SCO2: variants seen among roughly 807,000 people sequenced by gnomAD.
SCO2 encodes synthesis of cytochrome C oxidase 2, also known as cytochrome c oxidase assembly factor SCO2.
For missense variants in SCO2, 429 were observed against 348.7 expected, an observed-to-expected ratio of 1.23 and a Z score of -1.83; for synonymous variants, 195 against 148.6, an observed-to-expected ratio of 1.31 and a Z score of -2.27.
chr22:50,526,315 T>G (rs1395567253), upstream of SCO2: 1 of 1,560,878 alleles, frequency 6.4e-7, no homozygotes, highest in East Asian at 2.4e-5. Flanking sequence ...TCTGCGGGAC[T>G]TCCCGAGCAC....
chr22:50,524,140 G>T lies in SCO2; in HGVS notation c.272C>A (p.Thr91Lys), dbSNP rs908963512. The change falls in exon 2 of 2, where the codon ACA (threonine) becomes AAA (lysine). Residue 91 changes from threonine to lysine, a missense_variant. Thr to Lys is a moderately conservative substitution (Grantham distance 78, BLOSUM62 -1). Coordinates refer to ENST00000395693, the MANE Select transcript of SCO2 (RefSeq NM_005138.3). Reference sequence around the variant, plus strand: ...CACAGCTGCCTGGCGCAGGGCTTCTGTTCGCTTTTGCTGCTGCAGCCTCTC... The same window carrying T: ...CACAGCTGCCTGGCGCAGGGCTTCTTTTCGCTTTTGCTGCTGCAGCCTCTC... ...EKERLQQQKR[T>K]EALRQAAVGQ... The T allele has an allele frequency of 6.2e-7, 1 of 1,612,082 alleles. No homozygotes were observed. The highest frequency in any genetic ancestry group is 8.5e-7 in the Non-Finnish European group (1 of 1,180,018).
chr22:50,524,542 A>G (rs2148672998), intron 1 of SCO2, 118 bp from the exon 2 acceptor site: 1 of 923,254 alleles, frequency 1.1e-6, no homozygotes, highest in East Asian at 2.6e-5. Context: ...TTCAGGCTTA[A>G]CAGGCATTTG....
chr22:50,523,966 C>G lies in SCO2; in HGVS notation c.446G>C (p.Arg149Pro). Residue 149 changes from arginine (R) to proline (P), a missense_variant, in exon 2 of 2, where the codon CGG becomes CCG. By Grantham distance (103) the Arg-to-Pro change is moderately radical. Coordinates refer to ENST00000395693, the MANE Select transcript of SCO2 (RefSeq NM_005138.3). Reference protein sequence around the residue: ...DELEKLVQVVRQLEAEPGLPP... With the variant: ...DELEKLVQVVPQLEAEPGLPP... Reference sequence around the variant, plus strand: ...CAAACCAGGCTCTGCTTCCAGCTGCCGCACCACCTGCACCAGCTTCTCCAG... The same window carrying G: ...CAAACCAGGCTCTGCTTCCAGCTGCGGCACCACCTGCACCAGCTTCTCCAG... 1.2e-6 allele frequency: 2 copies of G among 1,612,402 alleles called. No homozygotes were observed. The highest frequency in any genetic ancestry group is 8.5e-7 in the Non-Finnish European group (1 of 1,178,938).
upstream of SCO2, chr22:50,526,394 G>T (rs1447363115): frequency 6.6e-7 from 1 of 1,525,360 alleles, no homozygotes; most frequent in South Asian, 1.2e-5. Context: ...CAAGGGCCGA[G>T]CCGTCGTCCA....
Position 50,524,077 on chromosome 22 carries a change from C to G in SCO2, c.335G>C (p.Arg112Pro). The change falls in exon 2 of 2, where the codon CGG becomes CCG. Residue 112 changes from arginine (R) to proline (P), a missense_variant. Arg to Pro is a moderately radical substitution (Grantham distance 103). Transcript: ENST00000395693. ...GDFHLLDHRG[R>P]ARCKADFRGQ... is the part of the protein sequence containing the mutation. Reference sequence around the variant, plus strand: ...CCGGAAGTCAGCCTTGCAGCGAGCCCGGCCTCTGTGATCCAGCAGGTGGAA... The same window carrying G: ...CCGGAAGTCAGCCTTGCAGCGAGCCGGGCCTCTGTGATCCAGCAGGTGGAA... The G allele has an allele frequency of 1.2e-6, 2 of 1,613,244 alleles. No individual in the cohort carries two copies. The highest frequency in any genetic ancestry group is 1.7e-6 in the Non-Finnish European group (2 of 1,180,026).
upstream of SCO2, chr22:50,525,791 G>T: frequency 6.2e-7 from 1 of 1,610,830 alleles, no homozygotes; most frequent in Non-Finnish European, 8.5e-7. Flanking sequence ...GCGGCAGAAC[G>T]AGCTCTGCGA....
Position 50,524,443 on chromosome 22 carries a change from G to C in SCO2, c.-13-19C>G, listed in dbSNP as rs1031633147. On this transcript the variant is annotated intron_variant, in intron 1 of 1. Transcript: ENST00000395693. Reference sequence around the variant, plus strand: ...GATGCTCCTGGAAACAAGCACAGGCGTCAGGAGCCAGAAGGGAAGGCCCAG... The same window carrying C: ...GATGCTCCTGGAAACAAGCACAGGCCTCAGGAGCCAGAAGGGAAGGCCCAG... The C allele has an allele frequency of 1.2e-6, 2 of 1,606,516 alleles. No individual in the cohort carries two copies. Among genetic ancestry groups the C allele is most frequent in the Admixed American group, 1.7e-5 (1 of 59,612 alleles).
At chr22:50,525,727 C>A (rs1179877416), upstream of SCO2, 1 of 1,595,440 alleles carries the variant, frequency 6.3e-7, no homozygotes, top group Admixed American at 1.7e-5. Flanking sequence ...TGGATCCTTC[C>A]GCTCCCGCCC....
At chr22:50,525,712 A>C (rs1569521912), upstream of SCO2, 1 of 1,579,744 alleles carries the variant, frequency 6.3e-7, no homozygotes. Context: ...CCGCCTCCGC[A>C]GCCCTGGATC....
At chr22:50,525,737 C>G (rs1415386473), upstream of SCO2, 1 of 1,604,028 alleles carries the variant, frequency 6.2e-7, no homozygotes, top group African/African-American at 1.3e-5. Context: ...CGCTCCCGCC[C>G]AAGCACTGAC....
rs2069229292 is a variant in SCO2, at chr22:50,524,287, C to A, written c.125G>T (p.Gly42Val). 6.2e-7 allele frequency: 1 copy of A among 1,603,434 alleles called. No homozygotes were observed. Among genetic ancestry groups the A allele is most frequent in the East Asian group, 2.2e-5 (1 of 44,872 alleles). ...HLRSWLLSRQGPAETGGQGQP... is the reference protein window; with the variant it reads ...HLRSWLLSRQVPAETGGQGQP... ...GCCCTGCCCACCTGTCTCTGCAGGG[C>A]CCTGCCTTGACAAAAGCCAGGACCT... is the stretch of plus-strand genomic sequence containing the variant. Residue 42 changes from glycine (G) to valine (V), a missense_variant, in exon 2 of 2, where the codon GGC becomes GTC. By Grantham distance (109) the Gly-to-Val change is moderately radical. Transcript: ENST00000395693.
chr22:50,525,469 C>T lies in SCO2; in HGVS notation c.-14+3G>A. 1 of 468,350 alleles carries T rather than the reference C, an allele frequency of 2.1e-6. No homozygotes were observed. Among genetic ancestry groups the T allele is most frequent in the South Asian group, 2.3e-5 (1 of 42,778 alleles). The allele number at this position is 468,350 out of a possible 1,614,324, so 29.0% of individuals were successfully genotyped here. A position where few individuals can be genotyped will look rare whatever the true frequency, so the allele number is the denominator to read the frequency against. On this transcript the variant is annotated splice_donor_region_variant and intron_variant, in intron 1 of 1. Coordinates refer to ENST00000395693, the MANE Select transcript of SCO2 (RefSeq NM_005138.3). The stretch of plus-strand genomic sequence containing the variant: ...CCTCCCCTCCCAGCCCCGGCGTCCG[C>T]ACCTCGCGGCGGGGCCGCGCGTCAG...
chr22:50,526,031 G>T, upstream of SCO2: 4 of 1,474,766 alleles, frequency 2.7e-6, no homozygotes, highest in East Asian at 2.9e-5. Flanking sequence ...ACGTCGACCA[G>T]CAGCTCTGCG....
chr22:50,526,227 G>C, upstream of SCO2: 1 of 1,520,490 alleles, frequency 6.6e-7, no homozygotes, highest in East Asian at 2.6e-5. Flanking sequence ...GGAAGGACGG[G>C]GACTCCCCCG....
At chr22:50,525,889 C>T, upstream of SCO2, 2 of 1,572,650 alleles carry the variant, frequency 1.3e-6, no homozygotes. Flanking sequence ...AGCGCGGGGC[C>T]GTCCCGGTGC....
intron 1 of SCO2, among the ~76,000 whole-genome samples, chr22:50,524,963 C>T (rs2069273619): frequency 6.6e-6 from 1 of 152,084 alleles, no homozygotes; most frequent in Admixed American, 6.6e-5. Context: ...CTGGCAGAGA[C>T]GCACGACACT....
chr22:50,525,635 G>A (rs1161838450), upstream of SCO2: 4 of 1,360,516 alleles, frequency 2.9e-6, no homozygotes, highest in Non-Finnish European at 4.1e-6. Flanking sequence ...CGCAGCCGCT[G>A]ACAGGCTCTC....
At chr22:50,526,432 G>A, upstream of SCO2, 2 of 1,508,556 alleles carry the variant, frequency 1.3e-6, no homozygotes, top group Non-Finnish European at 8.8e-7. Flanking sequence ...GCAGCGCCCT[G>A]GGCCTGAGTC....
At chr22:50,525,717 T>C, upstream of SCO2, 7 of 1,585,690 alleles carry the variant, frequency 4.4e-6, no homozygotes, top group Admixed American at 3.6e-5. Flanking sequence ...TCCGCAGCCC[T>C]GGATCCTTCC....
Sources: allele counts gnomAD v4.1 joint callset (sites outside exome capture counted in the v4.1 genomes callset), GRCh38; gene constraint gnomAD v4.1.1; transcripts MANE v1.5; gene names NCBI Gene and HGNC (gene_info 2026-07-23, HGNC 2026-07-21).